The following GAGE10 variants were observed in gnomAD, a reference collection of about 807,000 sequenced individuals.
The protein encoded by GAGE10 is G antigen 10.
Under a neutral mutation model 11.5 loss-of-function variants are expected in GAGE10, and 9 were observed. The ratio of observed to expected loss-of-function variants is 0.78; its 90% CI spans 0.47 to 1.37. The LOEUF (loss-of-function observed/expected upper bound fraction) is 1.37, where lower values mean the gene tolerates loss of function less well. GAGE10 is among the 40% of genes most tolerant of loss of function. The pLI, the probability that GAGE10 is intolerant of heterozygous loss-of-function variation, is 0.00. For missense variants in GAGE10, 83 were observed against 92.9 expected, an observed-to-expected ratio of 0.89 and a Z score of 0.44; for synonymous variants, 23 against 29.7, an observed-to-expected ratio of 0.77 and a Z score of 0.73.
intron 4 of GAGE10, among the ~76,000 whole-genome samples, chrX:49,318,552 C>A (rs2066402572): frequency 9.9e-6 from 1 of 101,461 alleles, no homozygotes; most frequent in African/African-American, 3.6e-5. Context: ...TGAACAATTG[C>A]TTCTTTTTTT....
intron 3 of GAGE10, among the ~76,000 whole-genome samples, chrX:49,309,334 T>C (rs1235147776): frequency 8.9e-6 from 1 of 112,423 alleles, no homozygotes; most frequent in Non-Finnish European, 1.9e-5. Context: ...TACTGTGAAT[T>C]AGAATAGCCC....
Position 49,317,290 on chromosome X carries a change from T to C in GAGE10, c.328+2T>C, listed in dbSNP as rs782728749. ...AGGAGGTGAAAAGGCCTGAAGAAGG[T>C]AGGGAATCCATTAGGCATGCACATT... On this transcript the variant is annotated splice_donor_variant, in intron 4 of 4. Coordinates refer to ENST00000407599, the MANE Select transcript of GAGE10 (RefSeq NM_001098413.4). LOFTEE classifies it high-confidence loss of function. 1 of 1,203,057 alleles carries C rather than the reference T, an allele frequency of 8.3e-7. No homozygotes were observed. Among genetic ancestry groups the C allele is most frequent in the Non-Finnish European group, 1.1e-6 (1 of 890,116 alleles).
intron 3 of GAGE10, among the ~76,000 whole-genome samples, chrX:49,309,364 G>A (rs77866096): frequency 6.2e-5 from 7 of 112,425 alleles, no homozygotes; most frequent in Non-Finnish European, 9.4e-5. Context: ...GTCAGATGGC[G>A]GGCCGAAGGC....
chrX:49,317,012 C>A, intron 3 of GAGE10, 151 bp from the exon 4 acceptor site: 1 of 796,986 alleles, frequency 1.3e-6, no homozygotes, highest in Non-Finnish European at 1.7e-6. Context: ...CTAACAGACT[C>A]CTGAAATAAT....
intron 3 of GAGE10, among the ~76,000 whole-genome samples, chrX:49,306,716 C>G (rs782359378): frequency 8.9e-6 from 1 of 111,773 alleles, no homozygotes; most frequent in Non-Finnish European, 1.9e-5. Context: ...TCAAGCTGGG[C>G]TGAATGCTGT....
intron 3 of GAGE10, among the ~76,000 whole-genome samples, chrX:49,310,353 G>T (rs1280881232): frequency 8.9e-6 from 1 of 111,977 alleles, no homozygotes; most frequent in South Asian, 3.7e-4. Flanking sequence ...TACAGGAAGA[G>T]AAGCTGGCTC....
chrX:49,317,007 A>G (rs1219201314), intron 3 of GAGE10, among the ~76,000 whole-genome samples, 156 bp from the exon 4 acceptor site: 3 of 111,896 alleles, frequency 2.7e-5, no homozygotes, highest in Non-Finnish European at 3.8e-5. Context: ...TTCTGCTAAC[A>G]GACTCCTGAA....
chrX:49,310,538 C>G (rs1557124615), intron 3 of GAGE10, among the ~76,000 whole-genome samples: 1 of 111,664 alleles, frequency 9.0e-6, no homozygotes, highest in East Asian at 2.8e-4. Flanking sequence ...GCCTAACACC[C>G]AAGAGCGGCG....
At chrX:49,308,565 C>T (rs377239774) in intron 3 of GAGE10, among the ~76,000 whole-genome samples, 5 of 112,370 alleles carry the variant, frequency 4.4e-5, no homozygotes, top group South Asian at 3.7e-4. Flanking sequence ...TCCCGGGGAC[C>T]GACCACTAAT....
chrX:49,317,520 G>A (rs1342235148), intron 4 of GAGE10, among the ~76,000 whole-genome samples: 1 of 111,262 alleles, frequency 9.0e-6, no homozygotes, highest in Admixed American at 9.6e-5. Flanking sequence ...GCTAATTTTT[G>A]TATTTTTAGT....
chrX:49,306,943 G>A, intron 3 of GAGE10, among the ~76,000 whole-genome samples: 2 of 112,017 alleles, frequency 1.8e-5, no homozygotes, highest in Non-Finnish European at 3.8e-5. Context: ...TAACTCCTTA[G>A]TGAACTGTAC....
intron 3 of GAGE10, among the ~76,000 whole-genome samples, chrX:49,313,545 G>T (rs1270401073): frequency 1.2e-4 from 13 of 111,845 alleles, no homozygotes; most frequent in African/African-American, 4.2e-4. Context: ...GCTGGGTAAG[G>T]GAAAGGATAC....
intron 2 of GAGE10, 102 bp downstream of exon 2, chrX:49,305,042 G>A (rs2147983995): frequency 2.4e-5 from 25 of 1,038,539 alleles, no homozygotes; most frequent in African/African-American, 3.8e-5. Context: ...GGTCTTTCCT[G>A]CTCATAAAAA....
chrX:49,313,144 T>C (rs1269198476), intron 3 of GAGE10, among the ~76,000 whole-genome samples: 1 of 112,080 alleles, frequency 8.9e-6, no homozygotes, highest in Admixed American at 9.4e-5. Context: ...AAGATTTGGG[T>C]TGCCTTTAAC....
intron 1 of GAGE10, among the ~76,000 whole-genome samples, chrX:49,304,646 C>T (rs1463842814): frequency 1.8e-5 from 2 of 113,003 alleles, no homozygotes; most frequent in Non-Finnish European, 3.7e-5. Flanking sequence ...TTTTGTCACA[C>T]GCCTTAAGAT....
intron 4 of GAGE10, among the ~76,000 whole-genome samples, chrX:49,317,750 A>G (rs5905729): frequency 9.0e-5 from 10 of 110,737 alleles, no homozygotes; most frequent in East Asian, 8.5e-4. Context: ...CCAGCACCCG[A>G]CTGATAGACT....
chrX:49,312,811 T>C (rs2066379833), intron 3 of GAGE10, among the ~76,000 whole-genome samples: 1 of 112,625 alleles, frequency 8.9e-6, no homozygotes, highest in African/African-American at 3.2e-5. Flanking sequence ...GGAACACACA[T>C]TGGAAGGACG....
intron 3 of GAGE10, among the ~76,000 whole-genome samples, chrX:49,308,122 C>A (rs1482054293): frequency 2.7e-5 from 3 of 112,583 alleles, no homozygotes; most frequent in African/African-American, 6.5e-5. Context: ...TCTCCCCCTG[C>A]CCCACGAAAT....
At chrX:49,310,553 G>A (rs2066373086) in intron 3 of GAGE10, among the ~76,000 whole-genome samples, 1 of 111,819 alleles carries the variant, frequency 8.9e-6, no homozygotes, top group Admixed American at 9.4e-5. Context: ...GCGGCGTTCG[G>A]TTGCTAGTTG....
Sources: gnomAD v4.1 joint callset for allele counts (sites outside exome capture counted in the v4.1 genomes callset) on GRCh38, gnomAD v4.1.1 for gene constraint, MANE v1.5 for transcripts, NCBI Gene and HGNC (gene_info 2026-07-23, HGNC 2026-07-21) for gene names.